Variants in FHOD3 observed in about 807,000 individuals in gnomAD.
FHOD3 encodes FH1/FH2 domain-containing protein 3.
FHOD3 carries 90 observed loss-of-function variants against 173.0 expected under a neutral mutation model. The ratio of observed to expected loss-of-function variants is 0.52; its 90% CI spans 0.44 to 0.62. The LOEUF (loss-of-function observed/expected upper bound fraction) is 0.62, where lower values mean the gene tolerates loss of function less well. Ranked by LOEUF, FHOD3 falls within the 20% of genes least tolerant of loss-of-function variation. The pLI, the probability that FHOD3 is intolerant of heterozygous loss-of-function variation, is 0.00. For missense variants in FHOD3, 1,945 were observed against 2,034.7 expected, an observed-to-expected ratio of 0.96 and a Z score of 0.85; for synonymous variants, 828 against 823.0, an observed-to-expected ratio of 1.01 and a Z score of -0.10.
At chr18:36,771,031 TCTG>T (rs764509269) in intron 28 of FHOD3, among the ~76,000 whole-genome samples, 3 of 152,218 alleles carry the variant, frequency 2.0e-5, no homozygotes, top group Non-Finnish European at 2.9e-5. Context: ...ATTTCTTTCT[TCTG>T]ATATTTTCCT....
At chr18:36,440,482 G>T (rs552553613) in intron 3 of FHOD3, among the ~76,000 whole-genome samples, 1 of 152,128 alleles carries the variant, frequency 6.6e-6, no homozygotes, top group Non-Finnish European at 1.5e-5. Flanking sequence ...CGCGCTGCCC[G>T]CCTCCTCTGA....
intron 3 of FHOD3, among the ~76,000 whole-genome samples, chr18:36,481,218 C>A (rs1406202373): frequency 2.6e-5 from 4 of 151,940 alleles, no homozygotes; most frequent in African/African-American, 4.8e-5. Context: ...TTGTTCTTTG[C>A]ATCTCTTTTC....
rs983186322 is a variant in FHOD3 at position 36,512,641 on chromosome 18, C to T, written c.511+98C>T. 58 of 840,750 alleles carry T rather than the reference C, an allele frequency of 6.9e-5. 1 individual carries two copies. Among genetic ancestry groups the T allele is most frequent in the South Asian group, 5.4e-4 (37 of 68,938 alleles). The allele number at this position is 840,750 out of a possible 1,614,324, so 52.1% of individuals were successfully genotyped here. A position where few individuals can be genotyped will look rare whatever the true frequency, so the allele number is the denominator to read the frequency against. ...CTACTGAGAGCTTTTTAAAAGACTTCGATTTGAGAGTAAGGTGGTAAAGAC... is the reference window on the plus strand; with the variant it reads ...CTACTGAGAGCTTTTTAAAAGACTTTGATTTGAGAGTAAGGTGGTAAAGAC... On this transcript the variant is annotated intron_variant, in intron 5 of 28. Coordinates refer to ENST00000590592, the MANE Select transcript of FHOD3 (RefSeq NM_001281740.3).
intron 10 of FHOD3, among the ~76,000 whole-genome samples, chr18:36,645,395 C>T (rs1337367950): frequency 6.6e-6 from 1 of 152,006 alleles, no homozygotes; most frequent in East Asian, 1.9e-4. Context: ...GCCACTGCAC[C>T]TCAGCCTGGG....
chr18:36,644,044 A>G (rs963429384), intron 10 of FHOD3, among the ~76,000 whole-genome samples: 4 of 152,174 alleles, frequency 2.6e-5, no homozygotes, highest in Non-Finnish European at 5.9e-5. Context: ...GTTGGAAACT[A>G]CGCCCCAAAG....
rs532120178 is a variant in FHOD3 at position 36,467,729 on chromosome 18, C to T, written c.338-34203C>T. Among the ~76,000 whole-genome samples the T allele has an allele frequency of 4.6e-5, 7 of 152,340 alleles. No individual in the cohort carries two copies. The South Asian group carries it at 6.2e-4, about 14-fold the overall frequency. On this transcript the variant is annotated intron_variant, in intron 3 of 28. Coordinates refer to ENST00000590592, the MANE Select transcript of FHOD3 (RefSeq NM_001281740.3). ...AAGTGTGAAGTGCTTGGCACACACA[C>T]GGCATCCTAGCAGTGCTTAGGGCTG...
At chr18:36,717,138 T>TCAATGTAGGTG (rs1164507679) in intron 18 of FHOD3, among the ~76,000 whole-genome samples, 3 of 151,726 alleles carry the variant, frequency 2.0e-5, no homozygotes, top group African/African-American at 4.8e-5. Flanking sequence ...AGAGTAGAGG[T>TCAATGTAGGTG]GGAAGGGAGG....
chr18:36,684,233 C>T (rs895119806), intron 15 of FHOD3, among the ~76,000 whole-genome samples: 3 of 152,056 alleles, frequency 2.0e-5, no homozygotes, highest in African/African-American at 7.2e-5. Context: ...CAAAATAAAA[C>T]AAAAATCAAG....
chr18:36,700,280 A>G (rs2039508673), intron 17 of FHOD3, among the ~76,000 whole-genome samples: 1 of 152,016 alleles, frequency 6.6e-6, no homozygotes, highest in Admixed American at 6.6e-5. Flanking sequence ...TTCCCCAGCC[A>G]TCTCCACTAA....
intron 9 of FHOD3, among the ~76,000 whole-genome samples, chr18:36,622,690 G>T (rs2033807763): frequency 6.6e-6 from 1 of 152,184 alleles, no homozygotes; most frequent in Admixed American, 6.5e-5. Flanking sequence ...CGCTGTATTT[G>T]ATTAGGTCTG....
intron 3 of FHOD3, among the ~76,000 whole-genome samples, chr18:36,450,443 G>GTTTATTTA (rs78899431): frequency 0.015 from 1,428 of 92,948 alleles, 17 homozygotes; most frequent in Middle Eastern, 0.047. Flanking sequence ...CGACCAGTTT[G>GTTTATTTA]TTTATTTATT....
At chr18:36,477,602 TC>T (rs2053660620) in intron 3 of FHOD3, among the ~76,000 whole-genome samples, 1 of 139,778 alleles carries the variant, frequency 7.2e-6, no homozygotes, top group African/African-American at 2.7e-5. Context: ...TACCTACCTA[TC>T]TACCTATCTA....
intron 15 of FHOD3, among the ~76,000 whole-genome samples, chr18:36,686,338 C>G (rs2038615738): frequency 6.6e-6 from 1 of 151,662 alleles, no homozygotes; most frequent in African/African-American, 2.4e-5. Flanking sequence ...TCATTCTCAG[C>G]AAACTAATGC....
At chr18:36,511,520 A>AATT (rs1476136089) in intron 4 of FHOD3, among the ~76,000 whole-genome samples, 1 of 152,072 alleles carries the variant, frequency 6.6e-6, no homozygotes, top group Non-Finnish European at 1.5e-5. Context: ...TTTGGATTAA[A>AATT]TCCATCTGGG....
chr18:36,369,504 TATAGAGAGAG>T (rs1177423207), intron 2 of FHOD3, among the ~76,000 whole-genome samples: 1 of 129,322 alleles, frequency 7.7e-6, no homozygotes, highest in African/African-American at 2.9e-5. Context: ...CACACATATA[TATAGAGAGAG>T]AGAGAGAGAG....
intron 1 of FHOD3, among the ~76,000 whole-genome samples, chr18:36,343,139 A>G (rs982682543): frequency 1.3e-5 from 2 of 152,230 alleles, no homozygotes; most frequent in East Asian, 1.9e-4. Context: ...TGACCCAGCA[A>G]TTCTACTCCT....
At chr18:36,705,947 CTGTGTGTGTGTG>C (rs3222016) in intron 17 of FHOD3, among the ~76,000 whole-genome samples, 17,745 of 142,716 alleles carry the variant, frequency 0.12, 1,320 homozygotes, top group Admixed American at 0.18. Flanking sequence ...TCAGAAGGAA[CTGTGTGTGTGTG>C]TGTGTGTGTG....
intron 17 of FHOD3, among the ~76,000 whole-genome samples, chr18:36,703,056 G>A (rs2149596730): frequency 6.6e-6 from 1 of 152,318 alleles, no homozygotes; most frequent in South Asian, 2.1e-4. Context: ...CAGAGGTATA[G>A]GGAGGTCATG....
chr18:36,338,476 C>G (rs1209884281), intron 1 of FHOD3, among the ~76,000 whole-genome samples: 1 of 152,178 alleles, frequency 6.6e-6, no homozygotes, highest in Non-Finnish European at 1.5e-5. Context: ...CCATGTGGGT[C>G]ACACCGAGTG....
Sources: gnomAD v4.1 joint callset for allele counts (sites outside exome capture counted in the v4.1 genomes callset) on GRCh38, gnomAD v4.1.1 for gene constraint, MANE v1.5 for transcripts, NCBI Gene and HGNC (gene_info 2026-07-23, HGNC 2026-07-21) for gene names.